The following PSD3 variants were observed in gnomAD, a reference collection of about 807,000 sequenced individuals.
The protein encoded by PSD3 is pleckstrin and Sec7 domain containing 3, also known as PH and SEC7 domain-containing protein 3.
Under a neutral mutation model 105.5 loss-of-function variants are expected in PSD3, and 49 were observed. The ratio of observed to expected loss-of-function variants is 0.46; its 90% CI spans 0.37 to 0.59. The LOEUF (loss-of-function observed/expected upper bound fraction) is 0.59, where lower values mean the gene tolerates loss of function less well. Ranked by LOEUF, PSD3 falls within the 20% of genes least tolerant of loss-of-function variation. PSD3 has a pLI of 0.00. For synonymous variants in PSD3, 557 were observed against 457.8 expected, an observed-to-expected ratio of 1.22 and a Z score of -2.77; for missense variants, 1,561 against 1,263.8, an observed-to-expected ratio of 1.24 and a Z score of -3.57.
At chr8:19,022,640 G>C (rs1586638377) in intron 1 of PSD3, among the ~76,000 whole-genome samples, 1 of 152,272 alleles carries the variant, frequency 6.6e-6, no homozygotes, top group African/African-American at 2.4e-5. Flanking sequence ...ACCATCTTCA[G>C]TGTTTTCCAG....
chr8:18,623,455 A>C (rs1036900008), intron 11 of PSD3, among the ~76,000 whole-genome samples: 36 of 149,090 alleles, frequency 2.4e-4, no homozygotes, highest in Middle Eastern at 3.2e-3. Flanking sequence ...CCCCAAAAAA[A>C]AAAAAAAAAA....
At chr8:18,953,446 C>A (rs1390807560) in intron 1 of PSD3, among the ~76,000 whole-genome samples, 1 of 152,144 alleles carries the variant, frequency 6.6e-6, no homozygotes, top group Non-Finnish European at 1.5e-5. Flanking sequence ...ATCTGTCCAT[C>A]AATATACAAA....
chr8:18,624,409 C>A, intron 11 of PSD3, among the ~76,000 whole-genome samples: 1 of 150,834 alleles, frequency 6.6e-6, no homozygotes, highest in Non-Finnish European at 1.5e-5. Flanking sequence ...TGAGCATGGC[C>A]TCTTCAAGTT....
chr8:19,036,960 C>A (rs1238482860), intron 1 of PSD3, among the ~76,000 whole-genome samples: 3 of 152,162 alleles, frequency 2.0e-5, no homozygotes, highest in Non-Finnish European at 2.9e-5. Context: ...CAGGATTGAC[C>A]CTTTCAGCCG....
intron 1 of PSD3, among the ~76,000 whole-genome samples, chr8:18,978,761 G>C (rs1196142210): frequency 6.6e-6 from 1 of 152,154 alleles, no homozygotes; most frequent in African/African-American, 2.4e-5. Flanking sequence ...AAGCAGCAAA[G>C]CAGACATACG....
In PSD3 at chr8:18,792,943, T is replaced by C. The variant is rs569395705; in HGVS notation, c.2082+6352A>G. Among the ~76,000 whole-genome samples the C allele has an allele frequency of 4.5e-4, 68 of 152,228 alleles. 2 individuals carry two copies. Among genetic ancestry groups the C allele is most frequent in the African/African-American group, 1.6e-3 (67 of 41,540 alleles). ...AACCAGTCCAAATGTCCATCAATGATAGACTGGATTAAGAAAATGTGGCAC... is the reference window on the plus strand; with the variant it reads ...AACCAGTCCAAATGTCCATCAATGACAGACTGGATTAAGAAAATGTGGCAC... On this transcript the variant is annotated intron_variant, in intron 8 of 15. Coordinates refer to ENST00000327040, the MANE Select transcript of PSD3 (RefSeq NM_015310.4).
intron 10 of PSD3, among the ~76,000 whole-genome samples, chr8:18,637,824 T>C (rs1178528591): frequency 1.3e-5 from 2 of 152,134 alleles, no homozygotes; most frequent in Non-Finnish European, 2.9e-5. Context: ...GGAAGAAAGA[T>C]TTCTGTCCTT....
At chr8:18,957,137 C>T (rs1823620276) in intron 1 of PSD3, among the ~76,000 whole-genome samples, 1 of 151,944 alleles carries the variant, frequency 6.6e-6, no homozygotes, top group Non-Finnish European at 1.5e-5. Flanking sequence ...TCTGGGAGGC[C>T]AAGGTGGGCG....
chr8:18,876,161 A>G (rs1256255368), intron 2 of PSD3, among the ~76,000 whole-genome samples: 1 of 151,938 alleles, frequency 6.6e-6, no homozygotes, highest in Non-Finnish European at 1.5e-5. Context: ...TCCTGATCTC[A>G]AGCAAACCTC....
intron 11 of PSD3, among the ~76,000 whole-genome samples, chr8:18,627,246 GTAAGAAAGGAGTTTAGTGATGCGGAGA>G (rs1163508445): frequency 2.0e-5 from 3 of 152,102 alleles, no homozygotes; most frequent in Non-Finnish European, 2.9e-5. Flanking sequence ...AGTTGAGGAG[GTAAGAAAGGAGTTTAGTGATGCGGAGA>G]TAAGAAAGGA....
chr8:18,702,812 C>T (rs778706439), intron 9 of PSD3, among the ~76,000 whole-genome samples: 2 of 151,954 alleles, frequency 1.3e-5, no homozygotes, highest in East Asian at 3.9e-4. Flanking sequence ...CAGGGTTTCA[C>T]CATGTTAGCC....
chr8:18,812,480 G>T (rs1313453845), intron 4 of PSD3, among the ~76,000 whole-genome samples: 3 of 152,262 alleles, frequency 2.0e-5, no homozygotes, highest in South Asian at 2.1e-4. Flanking sequence ...GAGAAGCAGG[G>T]TGACCAGTCA....
At chr8:18,619,300 A>G (rs895063837) in intron 11 of PSD3, among the ~76,000 whole-genome samples, 6 of 152,132 alleles carry the variant, frequency 3.9e-5, no homozygotes, top group African/African-American at 9.7e-5. Flanking sequence ...GCAGATCAAA[A>G]GACTGATCAA....
rs1810471433 is a variant in PSD3 at position 18,799,259 on chromosome 8, A to G, written c.2082+36T>C. ...ACATAAAAGCAGAGATAAGCCCGACATGTTTTGGATCTAAGTTTCACAAAT... is the reference window on the plus strand; with the variant it reads ...ACATAAAAGCAGAGATAAGCCCGACGTGTTTTGGATCTAAGTTTCACAAAT... On this transcript the variant is annotated intron_variant, in intron 8 of 15. Coordinates refer to ENST00000327040, the MANE Select transcript of PSD3 (RefSeq NM_015310.4). 4 of 1,534,532 alleles carry G rather than the reference A, an allele frequency of 2.6e-6. No homozygotes were observed. The Admixed American group carries it at 6.7e-5, about 26-fold the overall frequency.
chr8:18,695,379 T>G (rs900993932), intron 9 of PSD3, among the ~76,000 whole-genome samples: 14 of 152,224 alleles, frequency 9.2e-5, no homozygotes, highest in African/African-American at 3.4e-4. Context: ...TGATGCCTCC[T>G]GTCATGTCAT....
chr8:18,625,143 A>C (rs1490219895), intron 11 of PSD3, among the ~76,000 whole-genome samples: 1 of 151,830 alleles, frequency 6.6e-6, no homozygotes, highest in Non-Finnish European at 1.5e-5. Context: ...TTTTATCTTT[A>C]ATCTACGTGA....
intron 2 of PSD3, among the ~76,000 whole-genome samples, chr8:18,909,681 A>G (rs182060490): frequency 9.9e-4 from 151 of 152,050 alleles, no homozygotes; most frequent in Admixed American, 1.8e-3. Context: ...ATGGAGTTTC[A>G]CCATGTTGGC....
chr8:18,783,719 C>T (rs1195487638), intron 8 of PSD3, among the ~76,000 whole-genome samples: 6 of 152,132 alleles, frequency 3.9e-5, no homozygotes, highest in Non-Finnish European at 7.3e-5. Flanking sequence ...CTGCAACCTC[C>T]GTCTCCTGGG....
intron 9 of PSD3, among the ~76,000 whole-genome samples, chr8:18,751,088 C>A (rs1563223350): frequency 6.6e-6 from 1 of 152,082 alleles, no homozygotes; most frequent in African/African-American, 2.4e-5. Flanking sequence ...CGCCGTGCAG[C>A]AGGGGGCGGT....
Sources: allele counts gnomAD v4.1 joint callset (sites outside exome capture counted in the v4.1 genomes callset), GRCh38; gene constraint gnomAD v4.1.1; transcripts MANE v1.5; gene names NCBI Gene and HGNC (gene_info 2026-07-23, HGNC 2026-07-21).